The following RBL2 variants were observed in gnomAD, a reference collection of about 807,000 sequenced individuals.
The protein encoded by RBL2 is RB transcriptional corepressor like 2, also known as retinoblastoma-like protein 2.
RBL2 carries 56 observed loss-of-function variants against 126.0 expected under a neutral mutation model. That is an observed-to-expected ratio of 0.44 (90% CI 0.36 to 0.56). RBL2 has a LOEUF of 0.56. Ranked by LOEUF, RBL2 falls within the 20% of genes least tolerant of loss-of-function variation. The pLI is 0.00. For missense variants in RBL2, 1,229 were observed against 1,398.2 expected (o/e 0.88, Z 1.93); for synonymous variants, 454 against 478.5 (o/e 0.95, Z 0.67).
intron 21 of RBL2, among the ~76,000 whole-genome samples, chr16:53,482,051 G>A (rs1960975590): frequency 6.6e-6 from 1 of 152,044 alleles, no homozygotes; most frequent in Non-Finnish European, 1.5e-5. Flanking sequence ...ACAGGGTAAG[G>A]GATTTGGATT....
intron 3 of RBL2, among the ~76,000 whole-genome samples, chr16:53,444,135 G>C (rs1184045440): frequency 6.6e-6 from 1 of 151,522 alleles, no homozygotes; most frequent in Non-Finnish European, 1.5e-5. Flanking sequence ...TATAATCCCA[G>C]CTACTCGGGA....
chr16:53,479,419 A>C (rs1960858438), intron 18 of RBL2, 194 bp downstream of exon 18: 1 of 560,054 alleles, frequency 1.8e-6, no homozygotes, highest in African/African-American at 1.9e-5. Context: ...AAAAGGCAAC[A>C]ATGTTAAATA....
Position 53,480,653 on chromosome 16 carries a change from C to G in RBL2, c.2968C>G (p.Leu990Val). Residue 990 changes from leucine (L) to valine (V), a missense_variant, in exon 20 of 22, where the codon CTC becomes GTC. By Grantham distance (32) the Leu-to-Val change is conservative. Coordinates refer to ENST00000262133, the MANE Select transcript of RBL2 (RefSeq NM_005611.4). ...CAGTGCTCCTCCCACACCTACTCGC[C>G]TCACAGGTGCCAACAGTGACATGGA... ...PSSAPPTPTR[L>V]TGANSDMEEE... 1.9e-6 allele frequency: 3 copies of G among 1,614,018 alleles called. No homozygotes were observed. The highest frequency in any genetic ancestry group is 1.7e-6 in the Non-Finnish European group (2 of 1,179,992).
intron 2 of RBL2, 130 bp downstream of exon 2, chr16:53,439,276 AAAAC>A: frequency 2.9e-5 from 21 of 727,534 alleles, no homozygotes; most frequent in Non-Finnish European, 4.2e-5. Flanking sequence ...ATTAGATGCT[AAAAC>A]TAGCATCTAA....
At position 53,465,497 on chromosome 16, in the gene RBL2, T is replaced by A. The variant is rs2058263839; in HGVS notation, c.1758T>A (p.Leu586=). The A allele has an allele frequency of 6.2e-7, 1 of 1,603,224 alleles. No homozygotes were observed. Among genetic ancestry groups the A allele is most frequent in the Non-Finnish European group, 8.5e-7 (1 of 1,175,200 alleles). Residue 586 remains leucine (L), a synonymous_variant, in exon 13 of 22, where the codon CTT becomes CTA. Transcript: ENST00000262133. The stretch of plus-strand genomic sequence containing the variant: ...TTTGTAGAGAGGTGGTAAAACACCT[T>A]AATCAGATTGAAGAACAGATCTTAG... ...DGLCREVVKH[L]NQIEEQILDH...
chr16:53,463,608 G>T (rs896821780), intron 11 of RBL2, among the ~76,000 whole-genome samples: 1 of 106,672 alleles, frequency 9.4e-6, no homozygotes, highest in Non-Finnish European at 1.7e-5. Context: ...CGCTCTTGTT[G>T]CTCAGGCTGG....
chr16:53,452,300 A>G (rs367591735), intron 5 of RBL2, among the ~76,000 whole-genome samples: 3 of 152,236 alleles, frequency 2.0e-5, no homozygotes, highest in African/African-American at 7.2e-5. Flanking sequence ...TGATTTTGGC[A>G]TTGCATTTAA....
intron 2 of RBL2, among the ~76,000 whole-genome samples, chr16:53,440,860 T>G (rs564375632): frequency 2.6e-4 from 39 of 152,100 alleles, no homozygotes; most frequent in African/African-American, 9.2e-4. Flanking sequence ...GGCCAACATT[T>G]TATTCTTATC....
chr16:53,478,886 T>G, intron 17 of RBL2: 2 of 348,086 alleles, frequency 5.7e-6, no homozygotes, highest in Non-Finnish European at 1.0e-5. Flanking sequence ...CCTCCCAAAG[T>G]GCTGGGATTA....
intron 7 of RBL2, chr16:53,454,317 G>A: frequency 2.4e-6 from 1 of 416,926 alleles, no homozygotes; most frequent in Non-Finnish European, 4.7e-6. Context: ...CGATTCTTCT[G>A]CCTCAGCCTC....
chr16:53,467,247 G>GT, intron 14 of RBL2, 78 bp downstream of exon 14: 1 of 1,150,398 alleles, frequency 8.7e-7, no homozygotes, highest in South Asian at 1.3e-5. Context: ...TACAAGTGAA[G>GT]TTAATAGGGT....
rs1235839305 is a variant in RBL2, at chr16:53,470,448, C to G, written c.2311C>G (p.Gln771Glu). The change falls in exon 16 of 22, where the codon CAA (glutamine) becomes GAA (glutamate). Residue 771 changes from glutamine (Q) to glutamate (E), a missense_variant. Gln to Glu is a conservative substitution (Grantham distance 29, BLOSUM62 2). This residue lies in a region of RBL2 where 1,070 missense variants were observed against 1,274.3 expected (regional missense o/e 0.84). Transcript: ENST00000262133. Reference sequence around the variant, plus strand: ...CCAAGTCAATGTTGGGGGGCAGGCACAAGCTGTGACAGGCTCCATCCAGCC... The same window carrying G: ...CCAAGTCAATGTTGGGGGGCAGGCAGAAGCTGTGACAGGCTCCATCCAGCC... ...PVQVNVGGQA[Q>E]AVTGSIQPLS... The G allele has an allele frequency of 3.7e-6, 6 of 1,614,104 alleles. No homozygotes were observed. The highest frequency in any genetic ancestry group is 2.2e-5 in the East Asian group (1 of 44,864).
At chr16:53,440,897 C>T in intron 2 of RBL2, among the ~76,000 whole-genome samples, 1 of 150,664 alleles carries the variant, frequency 6.6e-6, no homozygotes, top group East Asian at 1.9e-4. Flanking sequence ...GTCTGGTATA[C>T]CAAGTTTGGT....
At chr16:53,435,319 G>C (rs543770450) in intron 1 of RBL2, among the ~76,000 whole-genome samples, 1 of 152,238 alleles carries the variant, frequency 6.6e-6, no homozygotes, top group African/African-American at 2.4e-5. Context: ...GTTTACGTCT[G>C]TGTAAACAAA....
intron 3 of RBL2, 136 bp from the exon 4 acceptor site, chr16:53,446,906 G>C: frequency 2.2e-6 from 1 of 450,156 alleles, no homozygotes; most frequent in Non-Finnish European, 4.0e-6. Context: ...GAACGTCCAC[G>C]TTTTCCATGT....
chr16:53,484,554 A>G (rs568089730), intron 21 of RBL2, among the ~76,000 whole-genome samples: 1 of 152,358 alleles, frequency 6.6e-6, no homozygotes, highest in African/African-American at 2.4e-5. Flanking sequence ...TGGACCTTGA[A>G]AACATCGTTA....
intron 3 of RBL2, among the ~76,000 whole-genome samples, chr16:53,445,452 T>TTGGGGCAG (rs2153139307): frequency 6.6e-6 from 1 of 152,364 alleles, no homozygotes; most frequent in South Asian, 2.1e-4. Context: ...AGCATTTACT[T>TTGGGGCAG]TGGGGCAGGG....
intron 21 of RBL2, 85 bp downstream of exon 21, chr16:53,481,920 CATT>C: frequency 2.1e-6 from 3 of 1,419,330 alleles, no homozygotes; most frequent in Non-Finnish European, 2.9e-6. Context: ...CTTAGGCACT[CATT>C]AGAGTGATGA....
At chr16:53,453,950 A>G (rs963902444) in intron 7 of RBL2, among the ~76,000 whole-genome samples, 181 bp downstream of exon 7, 1 of 152,234 alleles carries the variant, frequency 6.6e-6, no homozygotes, top group Non-Finnish European at 1.5e-5. Context: ...TCAAAATTGT[A>G]TGGCTGTTTT....
Sources: allele counts gnomAD v4.1 joint callset (sites outside exome capture counted in the v4.1 genomes callset), GRCh38; gene constraint gnomAD v4.1.1; regional missense constraint gnomAD v4.1.1; transcripts MANE v1.5; gene names NCBI Gene and HGNC (gene_info 2026-07-23, HGNC 2026-07-21).